Variants in IFRD1 observed in about 807,000 individuals in gnomAD.
IFRD1 encodes interferon-related developmental regulator 1.
Under a neutral mutation model 52.9 loss-of-function variants are expected in IFRD1, and 35 were observed. That is an observed-to-expected ratio of 0.66 (90% CI 0.51 to 0.88). The LOEUF is 0.88. IFRD1 is among the 40% of genes least tolerant of loss of function. The pLI is 0.00. For synonymous variants in IFRD1, 184 were observed against 188.4 expected, an observed-to-expected ratio of 0.98 and a Z score of 0.19; for missense variants, 517 against 550.8, an observed-to-expected ratio of 0.94 and a Z score of 0.61.
rs1450044544 is a variant in IFRD1 at position 112,459,108 on chromosome 7, G to A, written c.567+90G>A. The stretch of plus-strand genomic sequence containing the variant: ...TAGTACTGTACCAGCTACTCAAGAG[G>A]CTGAGGCAAGAGAGAGGATCTTGTA... On this transcript the variant is annotated intron_variant, in intron 5 of 11. Coordinates refer to ENST00000403825, the MANE Select transcript of IFRD1 (RefSeq NM_001550.4). 6.3e-6 allele frequency: 7 copies of A among 1,104,424 alleles called. No individual in the cohort carries two copies. In the South Asian group the frequency reaches 7.5e-5, roughly 12 times the overall value. 68.4% of individuals were successfully genotyped at this position (1,104,424 alleles called of 1,614,324 possible).
Position 112,444,298 on chromosome 7 carries a change from A to C in IFRD1, c.-181-6210A>C, listed in dbSNP as rs933964019. On this transcript the variant is annotated intron_variant, in intron 1 of 12. Coordinates refer to the IFRD1 transcript ENST00000005558. Reference sequence around the variant, plus strand: ...ATTACAGAAAGTGTATGTAATTTCAAAACTGAAAACCACAAAGAAGTATCT... The same window carrying C: ...ATTACAGAAAGTGTATGTAATTTCACAACTGAAAACCACAAAGAAGTATCT... Among the ~76,000 whole-genome samples the C allele has an allele frequency of 1.4e-4, 21 of 152,370 alleles. 1 individual carries two copies. Among genetic ancestry groups the C allele is most frequent in the Middle Eastern group, 3.4e-3 (1 of 294 alleles).
At chr7:112,425,120 C>A (rs1794400234) in intron 1 of IFRD1, among the ~76,000 whole-genome samples, 1 of 152,174 alleles carries the variant, frequency 6.6e-6, no homozygotes, top group African/African-American at 2.4e-5. Context: ...ATCTTCCTGC[C>A]TCAGCCTCCC....
chr7:112,452,567 A>G, intron 1 of IFRD1: 2 of 434,812 alleles, frequency 4.6e-6, no homozygotes, highest in African/African-American at 2.1e-5. Flanking sequence ...TTTGAAAGCT[A>G]AAGTTTGAAA....
intron 9 of IFRD1, 42 bp from the exon 10 acceptor site, chr7:112,472,177 C>CTGTGGTA: frequency 6.2e-7 from 1 of 1,609,548 alleles, no homozygotes; most frequent in Non-Finnish European, 8.5e-7. Context: ...CCCTCTGAGC[C>CTGTGGTA]ATTTTAGTGC....
chr7:112,471,456 C>G (rs1028459037), intron 9 of IFRD1, among the ~76,000 whole-genome samples: 7 of 152,046 alleles, frequency 4.6e-5, no homozygotes, highest in African/African-American at 1.7e-4. Flanking sequence ...AGTTCCATCT[C>G]CTTTCTCCTC....
chr7:112,475,462 A>T lies in IFRD1; in HGVS notation c.1299A>T (p.Arg433=). The T allele has an allele frequency of 6.2e-7, 1 of 1,612,760 alleles. No homozygotes were observed. Among genetic ancestry groups the T allele is most frequent in the Non-Finnish European group, 8.5e-7 (1 of 1,179,084 alleles). ...ATAACTCTGCAGCCTTCAAAGCTCG[A>T]ACCAAAGCTAGAAGCAAATGTCGAG... ...HLYNSAAFKA[R]TKARSKCRDK... Residue 433 remains arginine (R), a synonymous_variant, in exon 12 of 12, where the codon CGA becomes CGT. Transcript: ENST00000403825.
intron 9 of IFRD1, among the ~76,000 whole-genome samples, chr7:112,471,179 C>T (rs372443347): frequency 3.9e-5 from 6 of 152,114 alleles, no homozygotes; most frequent in African/African-American, 9.7e-5. Context: ...ACGCACCAGA[C>T]GGTCACTGTG....
chr7:112,467,972 C>T lies in IFRD1; in HGVS notation c.907-9C>T. The T allele has an allele frequency of 1.2e-6, 2 of 1,613,484 alleles. No individual in the cohort carries two copies. Among genetic ancestry groups the T allele is most frequent in the Non-Finnish European group, 1.7e-6 (2 of 1,179,554 alleles). ...TAATAAAGGAAACAAAATTGCTTTTCTTGTCCAGGACTTTTTTTATGAAGA... is the reference window on the plus strand; with the variant it reads ...TAATAAAGGAAACAAAATTGCTTTTTTTGTCCAGGACTTTTTTTATGAAGA... On this transcript the variant is annotated splice_polypyrimidine_tract_variant and intron_variant, in intron 8 of 11. Transcript: ENST00000403825.
chr7:112,423,789 T>C (rs906539175), intron 1 of IFRD1, among the ~76,000 whole-genome samples: 1 of 152,170 alleles, frequency 6.6e-6, no homozygotes, highest in Non-Finnish European at 1.5e-5. Context: ...TCATGTAACA[T>C]CTTTTCAAGA....
At chr7:112,456,379 A>G (rs536443711) in intron 3 of IFRD1, among the ~76,000 whole-genome samples, 1 of 152,322 alleles carries the variant, frequency 6.6e-6, no homozygotes, top group South Asian at 2.1e-4. Context: ...TGATTATAAT[A>G]GAAATGAATT....
intron 11 of IFRD1, among the ~76,000 whole-genome samples, chr7:112,475,152 A>G (rs190725664): frequency 0.075 from 11,394 of 151,538 alleles, 546 homozygotes; most frequent in South Asian, 0.17. Flanking sequence ...TAGAGACGGG[A>G]TTTCACCGTG....
intron 9 of IFRD1, among the ~76,000 whole-genome samples, chr7:112,470,285 G>A (rs1795714782): frequency 6.6e-6 from 1 of 152,172 alleles, no homozygotes; most frequent in Admixed American, 6.5e-5. Flanking sequence ...ACTGTTCTGT[G>A]CTCTTTGAGC....
Position 112,475,750 on chromosome 7 carries a change from TTTATTTATGAAGACAGCAAA to T in IFRD1, c.*232_*251del. 3 of 464,070 alleles carry T rather than the reference TTTATTTATGAAGACAGCAAA, an allele frequency of 6.5e-6. No homozygotes were observed. Among genetic ancestry groups the T allele is most frequent in the Non-Finnish European group, 1.1e-5 (3 of 262,224 alleles). 28.7% of individuals were successfully genotyped at this position (464,070 alleles called of 1,614,324 possible). A position where few individuals can be genotyped will look rare whatever the true frequency, so the allele number is the denominator to read the frequency against. Reference sequence around the variant, plus strand: ...AAGTATTTGTAATGTTTGGTCATAATTTATTTATGAAGACAGCAAAAGACTGATTTCATGATGGGGAAAAC... The same window carrying T: ...AAGTATTTGTAATGTTTGGTCATAATAGACTGATTTCATGATGGGGAAAAC... On this transcript the variant is annotated 3_prime_UTR_variant, in exon 12 of 12. Coordinates refer to ENST00000403825, the MANE Select transcript of IFRD1 (RefSeq NM_001550.4).
At chr7:112,450,276 G>A, upstream of IFRD1, 1 of 202,754 alleles carries the variant, frequency 4.9e-6, no homozygotes, top group Non-Finnish European at 1.0e-5. Flanking sequence ...CACGAAGACA[G>A]GCTCCCTGGG....
At position 112,451,685 on chromosome 7, in the gene IFRD1, A is replaced by G. The variant is rs531403551; in HGVS notation, c.94+903A>G. Among the ~76,000 whole-genome samples, 17 of 152,330 alleles carry G rather than the reference A, an allele frequency of 1.1e-4. No individual in the cohort carries two copies. The East Asian group carries it at 2.9e-3, about 26-fold the overall frequency. Reference sequence around the variant, plus strand: ...TTATATGGTTAAGAAAAAGGATTCCAATTGGAATTGGAAGGCCCTTCTAGG... The same window carrying G: ...TTATATGGTTAAGAAAAAGGATTCCGATTGGAATTGGAAGGCCCTTCTAGG... On this transcript the variant is annotated intron_variant, in intron 1 of 11. Coordinates refer to ENST00000403825, the MANE Select transcript of IFRD1 (RefSeq NM_001550.4).
intron 9 of IFRD1, among the ~76,000 whole-genome samples, chr7:112,468,570 G>A (rs1284240476): frequency 6.6e-6 from 1 of 152,116 alleles, no homozygotes; most frequent in East Asian, 1.9e-4. Flanking sequence ...CACGATCTTG[G>A]CTCACTGCAA....
chr7:112,470,198 A>G (rs1185707314), intron 9 of IFRD1, among the ~76,000 whole-genome samples: 1 of 152,214 alleles, frequency 6.6e-6, no homozygotes, highest in African/African-American at 2.4e-5. Context: ...TAAGCAATAG[A>G]ATAGTCTCCT....
intron 1 of IFRD1, 23 bp downstream of exon 1, chr7:112,450,805 G>A (rs773788941): frequency 8.6e-5 from 135 of 1,562,394 alleles, no homozygotes; most frequent in Non-Finnish European, 1.1e-4. Context: ...CCCGCCGCCG[G>A]CATCCCAGTT....
chr7:112,472,136 T>C, intron 9 of IFRD1, 83 bp from the exon 10 acceptor site: 1 of 1,368,318 alleles, frequency 7.3e-7, no homozygotes. Context: ...AGCATGTATA[T>C]GACTGTTTAG....
Sources: gnomAD v4.1 joint callset for allele counts (sites outside exome capture counted in the v4.1 genomes callset) on GRCh38, gnomAD v4.1.1 for gene constraint, MANE v1.5 for transcripts, NCBI Gene and HGNC (gene_info 2026-07-23, HGNC 2026-07-21) for gene names.